ATL1: variants seen among roughly 807,000 people sequenced by gnomAD.
ATL1 encodes the protein atlastin GTPase 1, also known as atlastin-1.
A neutral mutation model predicts 75.5 loss-of-function variants in ATL1; 31 were observed. That is an observed-to-expected ratio of 0.41 (90% CI 0.31 to 0.55). ATL1 has a LOEUF of 0.55. Among genes scored for constraint, ATL1 ranks in the 20% least tolerant of loss-of-function variants. The pLI is 0.27. For synonymous variants in ATL1, 226 were observed against 233.3 expected (o/e 0.97, Z 0.28); for missense variants, 405 against 662.6 (o/e 0.61, Z 4.27).
At chr14:50,543,429 G>A (rs1566706362) in intron 1 of ATL1, among the ~76,000 whole-genome samples, 1 of 152,192 alleles carries the variant, frequency 6.6e-6, no homozygotes, top group Non-Finnish European at 1.5e-5. Context: ...TCCCTGCTTG[G>A]AAAGCTTCTA....
intron 13 of ATL1, among the ~76,000 whole-genome samples, chr14:50,630,412 A>G (rs559788623): frequency 6.6e-6 from 1 of 152,322 alleles, no homozygotes; most frequent in African/African-American, 2.4e-5. Context: ...AGTTGTTTTC[A>G]ACTTTGGCTT....
intron 7 of ATL1, among the ~76,000 whole-genome samples, chr14:50,613,919 TAAGTA>T (rs1360733859): frequency 8.5e-5 from 13 of 152,336 alleles, no homozygotes; most frequent in African/African-American, 2.9e-4. Flanking sequence ...ATTTAGCTTG[TAAGTA>T]AACACCCAAC....
At chr14:50,578,140 AT>A (rs1169618820) in intron 1 of ATL1, among the ~76,000 whole-genome samples, 1 of 152,186 alleles carries the variant, frequency 6.6e-6, no homozygotes, top group Non-Finnish European at 1.5e-5. Flanking sequence ...CCAAGAAGGA[AT>A]ATTTAATATG....
At chr14:50,595,680 G>A (rs2039209345) in intron 6 of ATL1, 48 bp downstream of exon 6, 2 of 1,539,966 alleles carry the variant, frequency 1.3e-6, no homozygotes, top group East Asian at 4.5e-5. Flanking sequence ...TTTTCCTGAA[G>A]ACTGTAACCA....
At chr14:50,596,962 C>T (rs1361624880) in intron 6 of ATL1, among the ~76,000 whole-genome samples, 2 of 152,030 alleles carry the variant, frequency 1.3e-5, no homozygotes, top group Non-Finnish European at 2.9e-5. Context: ...GTAATCCCAG[C>T]ACTTTGGGAG....
chr14:50,602,071 C>T (rs1033281877), intron 6 of ATL1, among the ~76,000 whole-genome samples: 42 of 152,292 alleles, frequency 2.8e-4, no homozygotes, highest in African/African-American at 7.7e-4. Flanking sequence ...GGGCAGGATC[C>T]CTACGACTAA....
intron 6 of ATL1, among the ~76,000 whole-genome samples, chr14:50,602,275 TTGTCCTC>T (rs1290045752): frequency 6.6e-6 from 1 of 152,218 alleles, no homozygotes; most frequent in Non-Finnish European, 1.5e-5. Flanking sequence ...CTTGTCACTC[TTGTCCTC>T]TCAGTTCTGC....
chr14:50,593,832 A>G lies in ATL1; in HGVS notation c.523-14A>G. The stretch of plus-strand genomic sequence containing the variant: ...CCAGTTATCTTATCATTGTAATTTT[A>G]TTTCTTTATCAAGGTATATAACTTA... On this transcript the variant is annotated splice_polypyrimidine_tract_variant and intron_variant, in intron 4 of 13. Transcript: ENST00000358385. The G allele has an allele frequency of 6.5e-7, 1 of 1,541,010 alleles. No individual in the cohort carries two copies. Among genetic ancestry groups the G allele is most frequent in the Non-Finnish European group, 9.0e-7 (1 of 1,114,336 alleles).
chr14:50,626,908 C>A (rs1029720438), intron 11 of ATL1, among the ~76,000 whole-genome samples: 7 of 152,336 alleles, frequency 4.6e-5, no homozygotes, highest in South Asian at 4.1e-4. Flanking sequence ...TCCCCCTACT[C>A]TTTTCCTTTC....
intron 1 of ATL1, among the ~76,000 whole-genome samples, chr14:50,584,194 GTGAGACCCCA>G (rs2039080965): frequency 1.3e-5 from 2 of 152,018 alleles, no homozygotes; most frequent in Admixed American, 6.6e-5. Flanking sequence ...GAGCAACATG[GTGAGACCCCA>G]TCTCTACAAA....
chr14:50,549,173 C>G (rs1171176691), intron 1 of ATL1, among the ~76,000 whole-genome samples: 1 of 152,076 alleles, frequency 6.6e-6, no homozygotes, highest in Admixed American at 6.5e-5. Context: ...ATAAGGGGAC[C>G]CCACCAATAC....
chr14:50,616,401 A>G (rs2039415720), intron 8 of ATL1, among the ~76,000 whole-genome samples: 3 of 152,124 alleles, frequency 2.0e-5, no homozygotes, highest in Non-Finnish European at 2.9e-5. Context: ...AGCTCACACA[A>G]TCCTCCTGCT....
chr14:50,544,816 A>G (rs993070613), intron 1 of ATL1, among the ~76,000 whole-genome samples: 2 of 151,860 alleles, frequency 1.3e-5, no homozygotes, highest in African/African-American at 4.8e-5. Flanking sequence ...ATGACGCTAT[A>G]AATGCAGCTA....
Position 50,587,965 on chromosome 14 carries a change from C to T in ATL1, c.169C>T (p.Leu57Phe), listed in dbSNP as rs2039118655. 6.2e-7 allele frequency: 1 copy of T among 1,613,972 alleles called. No homozygotes were observed. The highest frequency in any genetic ancestry group is 1.1e-5 in the South Asian group (1 of 91,068). ...AGATGAAACTGCATTAAATCGGATC[C>T]TTCTCTCGGAGGCTGTCAGAGACAA... ...ELDETALNRILLSEAVRDKEV... is the reference protein window; with the variant it reads ...ELDETALNRIFLSEAVRDKEV... The change falls in exon 2 of 14, where the codon CTT (leucine) becomes TTT (phenylalanine). Residue 57 changes from leucine (L) to phenylalanine (F), a missense_variant. Leu to Phe is a conservative substitution (Grantham distance 22, BLOSUM62 0). Coordinates refer to ENST00000358385, the MANE Select transcript of ATL1 (RefSeq NM_015915.5).
intron 1 of ATL1, among the ~76,000 whole-genome samples, chr14:50,568,666 A>T (rs1370052223): frequency 3.3e-5 from 5 of 152,116 alleles, no homozygotes; most frequent in African/African-American, 1.2e-4. Context: ...ATCTGTTTAC[A>T]TTTAAAGTAA....
At chr14:50,624,287 G>A (rs1301428116) in intron 11 of ATL1, among the ~76,000 whole-genome samples, 7 of 152,056 alleles carry the variant, frequency 4.6e-5, no homozygotes, top group South Asian at 2.1e-4. Context: ...GTCTATTGAC[G>A]CCCTTTCTCC....
Position 50,588,004 on chromosome 14 carries a change from G to A in ATL1, c.208G>A (p.Val70Ile), listed in dbSNP as rs761583539. ...TGTCAGAGACAAGGAGGTTGTTGCT[G>A]TATCTGTTGCTGGAGCATTTAGAAA... ...EAVRDKEVVA[V>I]SVAGAFRKGK... The change falls in exon 2 of 14, where the codon GTA becomes ATA. Residue 70 changes from valine to isoleucine, a missense_variant. This residue lies in a region of ATL1 where 126 missense variants were observed against 172.0 expected (regional missense o/e 0.73). Coordinates refer to ENST00000358385, the MANE Select transcript of ATL1 (RefSeq NM_015915.5). 3.7e-6 allele frequency: 6 copies of A among 1,614,078 alleles called. No individual in the cohort carries two copies. In the Admixed American group the frequency reaches 1.0e-4, roughly 27 times the overall value.
intron 1 of ATL1, among the ~76,000 whole-genome samples, chr14:50,563,847 A>C (rs1327982304): frequency 6.6e-6 from 1 of 152,210 alleles, no homozygotes; most frequent in Non-Finnish European, 1.5e-5. Context: ...AAGCATATAA[A>C]AGTCAATTCT....
intron 1 of ATL1, among the ~76,000 whole-genome samples, chr14:50,546,225 A>T (rs886709612): frequency 3.9e-5 from 6 of 152,206 alleles, no homozygotes; most frequent in African/African-American, 1.4e-4. Context: ...CCTTCACTGG[A>T]TTACCTATTA....
Sources: gnomAD v4.1 joint callset for allele counts (sites outside exome capture counted in the v4.1 genomes callset) on GRCh38, gnomAD v4.1.1 for gene constraint, gnomAD v4.1.1 regional missense constraint, MANE v1.5 for transcripts, NCBI Gene and HGNC (gene_info 2026-07-23, HGNC 2026-07-21) for gene names.